Variants in DMBT1 observed in about 807,000 individuals in gnomAD.
DMBT1 encodes the protein scavenger receptor cysteine-rich domain-containing protein DMBT1.
A neutral mutation model predicts 252.9 loss-of-function variants in DMBT1; 198 were observed. That is an observed-to-expected ratio of 0.78 (90% CI 0.70 to 0.88). The LOEUF is 0.88. Ranked by LOEUF, DMBT1 falls within the 40% of genes least tolerant of loss-of-function variation. The pLI is 0.00. For synonymous variants in DMBT1, 990 were observed against 942.7 expected (o/e 1.05, Z -0.92); for missense variants, 2,432 against 2,404.7 (o/e 1.01, Z -0.24).
At chr10:122,599,982 G>T (rs564411713) in intron 26 of DMBT1, 82 bp from the exon 27 acceptor site, 4 of 1,550,916 alleles carry the variant, frequency 2.6e-6, no homozygotes, top group Non-Finnish European at 3.5e-6. Context: ...TGTCAGACTC[G>T]CCCATTTCTT....
At chr10:122,566,796 T>C (rs900841704) in intron 2 of DMBT1, among the ~76,000 whole-genome samples, 6 of 152,218 alleles carry the variant, frequency 3.9e-5, no homozygotes, top group African/African-American at 1.4e-4. Flanking sequence ...AGTGCTATTA[T>C]CATGAAATCT....
chr10:122,563,691 T>C (rs1164238137), intron 1 of DMBT1, among the ~76,000 whole-genome samples: 1 of 152,154 alleles, frequency 6.6e-6, no homozygotes, highest in African/African-American at 2.4e-5. Context: ...AGCTATGTGG[T>C]TGATTCTTGG....
rs756919017 is a variant in DMBT1, at chr10:122,573,768, G to A, written c.283+6G>A. On this transcript the variant is annotated splice_donor_region_variant and intron_variant, in intron 6 of 55. Coordinates refer to ENST00000338354, the MANE Select transcript of DMBT1 (RefSeq NM_001377530.1). ...GGAGTCAACTGTAGCAGAAGGTAAC[G>A]TCTACTATGGGGGATCCCTGTAGGC... 64 of 1,613,398 alleles carry A rather than the reference G, an allele frequency of 4.0e-5. No individual in the cohort carries two copies. In the South Asian group the frequency reaches 5.7e-4, roughly 14 times the overall value.
intron 10 of DMBT1, among the ~76,000 whole-genome samples, chr10:122,580,587 C>G (rs11528750): frequency 6.6e-6 from 1 of 151,846 alleles, no homozygotes; most frequent in Non-Finnish European, 1.5e-5. Context: ...GACTCAGGAA[C>G]ACCTAAGATG....
chr10:122,570,780 C>A, intron 3 of DMBT1, 110 bp from the exon 4 acceptor site: 1 of 1,326,184 alleles, frequency 7.5e-7, no homozygotes, highest in Non-Finnish European at 1.1e-6. Flanking sequence ...ATGGAGGTTG[C>A]CCTTAGGATC....
chr10:122,572,051 C>A (rs1359323778), intron 4 of DMBT1, among the ~76,000 whole-genome samples: 5 of 152,160 alleles, frequency 3.3e-5, no homozygotes, highest in African/African-American at 4.8e-5. Flanking sequence ...TGTGAATAGA[C>A]TGTGTGACTT....
Position 122,578,336 on chromosome 10 carries a change from C to T in DMBT1, c.638-382C>T, listed in dbSNP as rs536878469. 7.6e-4 allele frequency among the ~76,000 whole-genome samples: 116 copies of T among 152,336 alleles called. No homozygotes were observed. The Middle Eastern group carries it at 0.01, about 13-fold the overall frequency. On this transcript the variant is annotated intron_variant, in intron 8 of 55. Coordinates refer to ENST00000338354, the MANE Select transcript of DMBT1 (RefSeq NM_001377530.1). ...CTAAGAAATGTTTCTGGTGCCTTCA[C>T]TTACCAGGAAACCTGATTTCCCCCA...
intron 6 of DMBT1, among the ~76,000 whole-genome samples, chr10:122,576,162 G>C (rs2097710032): frequency 6.6e-6 from 1 of 152,198 alleles, no homozygotes; most frequent in Non-Finnish European, 1.5e-5. Context: ...CCAGGATGCA[G>C]ATCAGGAGGA....
At position 122,631,051 on chromosome 10, in the gene DMBT1, T is replaced by A; in HGVS notation, c.6116T>A (p.Val2039Asp). 6.2e-7 allele frequency: 1 copy of A among 1,613,764 alleles called. No individual in the cohort carries two copies. The highest frequency in any genetic ancestry group is 8.5e-7 in the Non-Finnish European group (1 of 1,179,784). The change falls in exon 49 of 56, where the codon GTT becomes GAT. Residue 2039 changes from valine (V) to aspartate (D), a missense_variant. By Grantham distance (152) the Val-to-Asp change is radical. Transcript: ENST00000338354. Reference protein sequence around the residue: ...EIYHGGTWGTVCDDSWTIQEA... With the variant: ...EIYHGGTWGTDCDDSWTIQEA... The stretch of plus-strand genomic sequence containing the variant: ...TACCATGGTGGCACCTGGGGGACAG[T>A]TTGTGATGACTCCTGGACCATTCAG...
intron 54 of DMBT1, among the ~76,000 whole-genome samples, chr10:122,638,536 G>A (rs1264273129): frequency 1.3e-5 from 2 of 152,120 alleles, no homozygotes; most frequent in Non-Finnish European, 2.9e-5. Context: ...TGAACTCCTG[G>A]GCTTAAGCAA....
At chr10:122,568,003 A>G (rs1453498608) in intron 2 of DMBT1, among the ~76,000 whole-genome samples, 1 of 152,224 alleles carries the variant, frequency 6.6e-6, no homozygotes, top group Non-Finnish European at 1.5e-5. Context: ...TGATTGAATC[A>G]ATGAATGTGG....
chr10:122,574,451 G>C (rs2097693893), intron 6 of DMBT1, among the ~76,000 whole-genome samples: 2 of 152,158 alleles, frequency 1.3e-5, no homozygotes, highest in Admixed American at 1.3e-4. Flanking sequence ...GCATGCAGTT[G>C]GGAATGCTGA....
chr10:122,632,405 C>T (rs1051733842), intron 50 of DMBT1, among the ~76,000 whole-genome samples: 2 of 152,064 alleles, frequency 1.3e-5, no homozygotes, highest in Admixed American at 6.5e-5. Flanking sequence ...CGCTCCTCAG[C>T]ACAGCATGAC....
chr10:122,598,855 C>T lies in DMBT1; in HGVS notation c.3038C>T (p.Ser1013Phe), dbSNP rs755750716. 9 of 1,613,768 alleles carry T rather than the reference C, an allele frequency of 5.6e-6. No individual in the cohort carries two copies. In the South Asian group the frequency reaches 6.6e-5, roughly 12 times the overall value. Residue 1013 changes from serine (S) to phenylalanine (F), a missense_variant, in exon 26 of 56, where the codon TCC becomes TTC. Coordinates refer to ENST00000338354, the MANE Select transcript of DMBT1 (RefSeq NM_001377530.1). ...QGRVEVLYQG[S>F]WGTVCDDSWD... The stretch of plus-strand genomic sequence containing the variant: ...CGAGTGGAGGTCCTATACCAAGGCT[C>T]CTGGGGCACCGTGTGCGATGACAGC...
At position 122,586,176 on chromosome 10, in the gene DMBT1, A is replaced by G. The variant is rs760855452; in HGVS notation, c.1576A>G (p.Asn526Asp). 1.3e-6 allele frequency: 2 copies of G among 1,589,232 alleles called. No homozygotes were observed. The highest frequency in any genetic ancestry group is 1.7e-5 in the Admixed American group (1 of 59,618). Residue 526 changes from asparagine (N) to aspartate (D), a missense_variant, in exon 16 of 56, where the codon AAT (asparagine) becomes GAT (aspartate). Physicochemically the swap from Asn to Asp is conservative, Grantham distance 23 (BLOSUM62 1). Around this residue, in one of 3 missense-constraint regions of DMBT1, gnomAD observed 1,264 missense variants for 1,082.2 expected, o/e 1.17. Coordinates refer to ENST00000338354, the MANE Select transcript of DMBT1 (RefSeq NM_001377530.1). ...CGTGTGTGATGACAGCTGGGACACC[A>G]ATGATGCCAATGTGGTCTGCAGGCA... is the stretch of plus-strand genomic sequence containing the variant. ...GTVCDDSWDTNDANVVCRQLG... is the reference protein window; with the variant it reads ...GTVCDDSWDTDDANVVCRQLG...
rs567881835 is a variant in DMBT1 at position 122,588,717 on chromosome 10, G to C, written c.1784-227G>C. Among the ~76,000 whole-genome samples the C allele has an allele frequency of 1.3e-4, 20 of 148,946 alleles. 2 individuals are homozygous for C. Among genetic ancestry groups the C allele is most frequent in the Admixed American group, 1.3e-3 (20 of 15,046 alleles). On this transcript the variant is annotated intron_variant, in intron 16 of 55. Coordinates refer to ENST00000338354, the MANE Select transcript of DMBT1 (RefSeq NM_001377530.1). ...TGTCTATTCCTGTCACCTCCACTGG[G>C]GTCACAGGTGCTTCCCCAAAACTTG... is the stretch of plus-strand genomic sequence containing the variant.
intron 54 of DMBT1, 65 bp downstream of exon 54, chr10:122,637,377 G>GCCTGT: frequency 6.9e-7 from 1 of 1,439,202 alleles, no homozygotes; most frequent in Non-Finnish European, 9.3e-7. Context: ...TATGTCCTGT[G>GCCTGT]CTTCTTGAAT....
Position 122,580,956 on chromosome 10 carries a change from A to C in DMBT1, c.1033+61A>C, listed in dbSNP as rs372332540. The stretch of plus-strand genomic sequence containing the variant: ...CTCTTTCTGCCCAATCACCCCTTCC[A>C]CACTCCACAGAGCTCTCCTGTTTCT... On this transcript the variant is annotated intron_variant, in intron 11 of 55. Transcript: ENST00000338354. The C allele has an allele frequency of 1.1e-4, 168 of 1,585,168 alleles. No individual in the cohort carries two copies. In the East Asian group the frequency reaches 1.2e-3, roughly 11 times the overall value.
At chr10:122,631,735 TG>T in intron 49 of DMBT1, 119 bp from the exon 50 acceptor site, 1 of 1,054,418 alleles carries the variant, frequency 9.5e-7, no homozygotes, top group Non-Finnish European at 1.4e-6. Context: ...TGGGTGGACC[TG>T]GGGACCCTCG....
Sources: allele counts gnomAD v4.1 joint callset (sites outside exome capture counted in the v4.1 genomes callset), GRCh38; gene constraint gnomAD v4.1.1; regional missense constraint gnomAD v4.1.1; transcripts MANE v1.5; gene names NCBI Gene and HGNC (gene_info 2026-07-23, HGNC 2026-07-21).